SYT2: variants seen among roughly 807,000 people sequenced by gnomAD.
SYT2 encodes the protein synaptotagmin 2, also known as synaptotagmin-2.
SYT2 carries 15 observed loss-of-function variants against 39.9 expected under a neutral mutation model. The observed-to-expected ratio is 0.38, with a 90% CI of 0.25 to 0.58. The LOEUF is 0.58. Among genes scored for constraint, SYT2 ranks in the 20% least tolerant of loss-of-function variants. SYT2 has a pLI of 0.70. For synonymous variants in SYT2, 181 were observed against 204.5 expected, an observed-to-expected ratio of 0.89 and a Z score of 0.98; for missense variants, 389 against 530.3, an observed-to-expected ratio of 0.73 and a Z score of 2.62.
At chr1:202,621,634 T>C (rs1691205499) in intron 1 of SYT2, among the ~76,000 whole-genome samples, 1 of 151,954 alleles carries the variant, frequency 6.6e-6, no homozygotes, top group Non-Finnish European at 1.5e-5. Flanking sequence ...AACAAATGAG[T>C]GGGTTTGTGT....
intron 1 of SYT2, among the ~76,000 whole-genome samples, chr1:202,617,371 C>T (rs1448888033): frequency 1.3e-5 from 2 of 152,042 alleles, no homozygotes; most frequent in African/African-American, 4.8e-5. Flanking sequence ...GTAGCACCCC[C>T]CAACCCCCAC....
At chr1:202,708,031 C>T (rs554717279) in intron 1 of SYT2, among the ~76,000 whole-genome samples, 1 of 152,310 alleles carries the variant, frequency 6.6e-6, no homozygotes, top group South Asian at 2.1e-4. Flanking sequence ...GAAAGGGTCT[C>T]CTCGGCCCTG....
intron 1 of SYT2, among the ~76,000 whole-genome samples, chr1:202,705,327 C>T (rs1388852958): frequency 6.6e-6 from 1 of 152,250 alleles, no homozygotes; most frequent in Non-Finnish European, 1.5e-5. Flanking sequence ...CCTTGTGAGC[C>T]GCTCTATCCC....
At chr1:202,632,428 C>T (rs1691620364) in intron 1 of SYT2, 1 of 410,492 alleles carries the variant, frequency 2.4e-6, no homozygotes, top group African/African-American at 2.2e-5. Flanking sequence ...CGGCTCATCA[C>T]ACTACAGGCA....
intron 1 of SYT2, among the ~76,000 whole-genome samples, chr1:202,615,888 A>G (rs1377971637): frequency 1.3e-5 from 2 of 151,986 alleles, no homozygotes; most frequent in Non-Finnish European, 2.9e-5. Context: ...CTTGTTCGCA[A>G]TTCCCCACAC....
chr1:202,691,543 G>A (rs1351289835), intron 1 of SYT2, among the ~76,000 whole-genome samples: 11 of 151,724 alleles, frequency 7.3e-5, no homozygotes, highest in Admixed American at 3.3e-4. Flanking sequence ...CCAGCTACCT[G>A]GGAGGCTGAG....
chr1:202,639,063 T>C (rs1691828208), intron 1 of SYT2, among the ~76,000 whole-genome samples: 1 of 152,206 alleles, frequency 6.6e-6, no homozygotes, highest in Non-Finnish European at 1.5e-5. Context: ...TTTTTCACGT[T>C]TGGCTATCCT....
intron 1 of SYT2, among the ~76,000 whole-genome samples, chr1:202,645,218 T>C (rs1692055940): frequency 6.6e-6 from 1 of 152,128 alleles, no homozygotes; most frequent in Non-Finnish European, 1.5e-5. Flanking sequence ...TTCCCCCCAC[T>C]CTGCTACACT....
At chr1:202,606,484 C>T (rs111641866) in intron 1 of SYT2, among the ~76,000 whole-genome samples, 215 of 152,328 alleles carry the variant, frequency 1.4e-3, no homozygotes, top group Middle Eastern at 0.014. Context: ...ACACTTGACT[C>T]TCCTCATCCC....
Position 202,652,161 on chromosome 1 carries a change from A to G in SYT2, c.-17-46372T>C, listed in dbSNP as rs201216805. Among the ~76,000 whole-genome samples the G allele has an allele frequency of 7.2e-5, 11 of 152,322 alleles. No homozygotes were observed. In the East Asian group the frequency reaches 1.5e-3, roughly 21 times the overall value. Reference sequence around the variant, plus strand: ...CAGAGAGTTGGTGGTGGCTGATGCCAGTGGAAGGGGCCCGAGGAGCCGTGT... The same window carrying G: ...CAGAGAGTTGGTGGTGGCTGATGCCGGTGGAAGGGGCCCGAGGAGCCGTGT... On this transcript the variant is annotated intron_variant, in intron 1 of 8. Transcript: ENST00000367268.
At chr1:202,693,943 G>C (rs1653909424) in intron 1 of SYT2, among the ~76,000 whole-genome samples, 1 of 152,188 alleles carries the variant, frequency 6.6e-6, no homozygotes, top group Non-Finnish European at 1.5e-5. Context: ...AGGCAAGCAG[G>C]CACATCACAT....
In SYT2 at chr1:202,602,378, C is replaced by G. The variant is rs1442123826; in HGVS notation, c.633G>C (p.Lys211Asn). 6 of 1,613,330 alleles carry G rather than the reference C, an allele frequency of 3.7e-6. No homozygotes were observed. Among genetic ancestry groups the G allele is most frequent in the Non-Finnish European group, 5.1e-6 (6 of 1,179,510 alleles). Residue 211 changes from lysine to asparagine, a missense_variant and splice_region_variant, in exon 5 of 9, where the codon AAG (lysine) becomes AAC (asparagine). Around this residue, in one of 4 missense-constraint regions of SYT2, gnomAD observed 280 missense variants for 335.6 expected, o/e 0.83. Coordinates refer to ENST00000367268, the MANE Select transcript of SYT2 (RefSeq NM_177402.5). ...GAGTCACCCTTCCAGCCCTCAGCAC[C>G]TTGAAGGTGAAGGTTTCATTGAAGG... ...NPAFNETFTF[K>N]VPYQELGGKT...
chr1:202,679,954 C>A lies in SYT2; in HGVS notation c.-18+30304G>T, dbSNP rs1399709355. On this transcript the variant is annotated intron_variant, in intron 1 of 8. Coordinates refer to ENST00000367268, the MANE Select transcript of SYT2 (RefSeq NM_177402.5). ...AGAATGCCCCTATTCATCAAACGAC[C>A]TCTACTCCTCCCTCAAAACATCTAT... is the stretch of plus-strand genomic sequence containing the variant. Among the ~76,000 whole-genome samples, 3 of 152,194 alleles carry A rather than the reference C, an allele frequency of 2.0e-5. 1 individual carries two copies. The highest frequency in any genetic ancestry group is 4.1e-4 in the South Asian group (2 of 4,832).
At chr1:202,643,452 A>AGTCTCTCCCTCTCTCTC in intron 1 of SYT2, 1 of 151,900 alleles carries the variant, frequency 6.6e-6, no homozygotes, top group East Asian at 1.9e-4. Flanking sequence ...CCCTCTCTCT[A>AGTCTCTCCCTCTCTCTC]TTCTCTTCCT....
chr1:202,615,974 T>A (rs1691020089), intron 1 of SYT2, among the ~76,000 whole-genome samples: 1 of 152,134 alleles, frequency 6.6e-6, no homozygotes, highest in African/African-American at 2.4e-5. Flanking sequence ...TTTCTCCTTC[T>A]CCATGGCTAC....
chr1:202,613,242 G>A (rs1318754679), intron 1 of SYT2, among the ~76,000 whole-genome samples: 3 of 151,696 alleles, frequency 2.0e-5, no homozygotes, highest in Non-Finnish European at 4.4e-5. Flanking sequence ...CACCATGCCC[G>A]GCTAATTTTT....
At chr1:202,697,729 ATTAAT>A (rs1654009989) in intron 1 of SYT2, among the ~76,000 whole-genome samples, 1 of 152,216 alleles carries the variant, frequency 6.6e-6, no homozygotes, top group Admixed American at 6.5e-5. Context: ...GAGTGTGCTG[ATTAAT>A]TTGATTGTAA....
chr1:202,697,326 C>T (rs1442998017), intron 1 of SYT2, among the ~76,000 whole-genome samples: 2 of 152,252 alleles, frequency 1.3e-5, no homozygotes, highest in Non-Finnish European at 2.9e-5. Context: ...CAGTCTCCTT[C>T]CAGCTGGAGA....
At chr1:202,617,272 T>G (rs1478830498) in intron 1 of SYT2, among the ~76,000 whole-genome samples, 3 of 152,208 alleles carry the variant, frequency 2.0e-5, no homozygotes, top group Non-Finnish European at 4.4e-5. Flanking sequence ...ATCCCTGATG[T>G]TGGAGGTGGG....
Sources: gnomAD v4.1 joint callset for allele counts (sites outside exome capture counted in the v4.1 genomes callset) on GRCh38, gnomAD v4.1.1 for gene constraint, gnomAD v4.1.1 regional missense constraint, MANE v1.5 for transcripts, NCBI Gene and HGNC (gene_info 2026-07-23, HGNC 2026-07-21) for gene names.